The following L2HGDH variants were observed in gnomAD, a reference collection of about 807,000 sequenced individuals.
The protein encoded by L2HGDH is L-2-hydroxyglutarate dehydrogenase, mitochondrial.
L2HGDH carries 34 observed loss-of-function variants against 51.5 expected under a neutral mutation model. The observed-to-expected ratio is 0.66, with a 90% CI of 0.50 to 0.88. L2HGDH has a LOEUF of 0.88. Among genes scored for constraint, L2HGDH ranks in the 40% least tolerant of loss-of-function variants. The probability of loss-of-function intolerance (pLI) is 0.00; values close to 1 mark genes in which losing one functional copy is unlikely to be tolerated. For synonymous variants in L2HGDH, 198 were observed against 197.9 expected, an observed-to-expected ratio of 1.00 and a Z score of -0.01; for missense variants, 558 against 571.9, an observed-to-expected ratio of 0.98 and a Z score of 0.25.
chr14:50,273,153 T>A (rs145380309), intron 6 of L2HGDH, among the ~76,000 whole-genome samples: 9 of 152,304 alleles, frequency 5.9e-5, no homozygotes, highest in African/African-American at 1.9e-4. Flanking sequence ...TGGAGAAAGG[T>A]ATATGAATGG....
chr14:50,294,277 T>TAG (rs1464528013), intron 3 of L2HGDH, 31 bp from the exon 4 acceptor site: 2 of 1,602,004 alleles, frequency 1.2e-6, no homozygotes, highest in Admixed American at 1.7e-5. Context: ...GGAGCATGGA[T>TAG]AGAGGTGAAT....
At chr14:50,261,712 G>C (rs1020500938) in intron 9 of L2HGDH, among the ~76,000 whole-genome samples, 7 of 152,078 alleles carry the variant, frequency 4.6e-5, no homozygotes, top group African/African-American at 1.7e-4. Context: ...TCAAACTCCT[G>C]GGCTCAAGCG....
chr14:50,246,962 A>G lies in L2HGDH; in HGVS notation c.*96T>C. The G allele has an allele frequency of 1.2e-5, 18 of 1,471,230 alleles. No individual in the cohort carries two copies. The highest frequency in any genetic ancestry group is 1.6e-5 in the Non-Finnish European group (17 of 1,092,140). 91.1% of individuals were successfully genotyped at this position (1,471,230 alleles called of 1,614,324 possible). On this transcript the variant is annotated 3_prime_UTR_variant, in exon 10 of 10. Coordinates refer to ENST00000267436, the MANE Select transcript of L2HGDH (RefSeq NM_024884.3). The stretch of plus-strand genomic sequence containing the variant: ...AGTGGTTATCTTTGACCTAAAAACT[A>G]AAGTTTAAAAACCATTTTTTAAATT...
At chr14:50,295,195 AG>A (rs1365224343) in intron 3 of L2HGDH, among the ~76,000 whole-genome samples, 1 of 152,134 alleles carries the variant, frequency 6.6e-6, no homozygotes, top group Non-Finnish European at 1.5e-5. Flanking sequence ...CACTTATGTC[AG>A]GCCCATTTTA....
chr14:50,278,481 GA>G (rs1890092798), intron 6 of L2HGDH, 38 bp downstream of exon 6: 1 of 1,354,994 alleles, frequency 7.4e-7, no homozygotes, highest in Non-Finnish European at 1.0e-6. Flanking sequence ...AAAGGGGAGG[GA>G]AAGAAAGTAG....
rs770812094 is a variant in L2HGDH at position 50,312,184 on chromosome 14, A to G, written c.-34T>C. On this transcript the variant is annotated 5_prime_UTR_variant, in exon 1 of 10. Coordinates refer to ENST00000267436, the MANE Select transcript of L2HGDH (RefSeq NM_024884.3). ...CACGCTCCCCTCCCTCAGCGCTCAG[A>G]AGAAGCCACTTGACCCTCCACGGCC... The G allele has an allele frequency of 1.9e-6, 3 of 1,606,210 alleles. No homozygotes were observed. The highest frequency in any genetic ancestry group is 1.7e-5 in the Admixed American group (1 of 59,702).
At position 50,247,095 on chromosome 14, in the gene L2HGDH, A is replaced by C. The variant is rs1168824875; in HGVS notation, c.1355T>G (p.Met452Arg). The C allele has an allele frequency of 1.2e-6, 2 of 1,613,620 alleles. No individual in the cohort carries two copies. Among genetic ancestry groups the C allele is most frequent in the African/African-American group, 2.7e-5 (2 of 74,928 alleles). The change falls in exon 10 of 10, where the codon ATG (methionine) becomes AGG (arginine). Residue 452 changes from methionine to arginine, a missense_variant. Around this residue, in one of 3 missense-constraint regions of L2HGDH, gnomAD observed 321 missense variants for 311.8 expected, o/e 1.03. Transcript: ENST00000267436. The stretch of plus-strand genomic sequence containing the variant: ...TCTTTGTTGTACTTCATCTGCAATC[A>C]TTCCAGAAATTGCAATGGAAGAAGT... The part of the protein sequence containing the change: ...AATSSIAISG[M>R]IADEVQQRFE...
chr14:50,247,247 T>C lies in L2HGDH; in HGVS notation c.1203A>G (p.Pro401=), dbSNP rs1226444809. 1 of 1,613,136 alleles carries C rather than the reference T, an allele frequency of 6.2e-7. No homozygotes were observed. The highest frequency in any genetic ancestry group is 1.1e-5 in the South Asian group (1 of 90,904). The stretch of plus-strand genomic sequence containing the variant: ...CCAGGGCCTGGGCTCTTACTCCAGC[T>C]GGGCCCCTGCAAAAGTAAAAGATGG... The part of the protein sequence containing the change: ...EITISDILRG[P]AGVRAQALDR... The change falls in exon 10 of 10, where the codon CCA becomes CCG. Residue 401 remains proline, a synonymous_variant. Coordinates refer to ENST00000267436, the MANE Select transcript of L2HGDH (RefSeq NM_024884.3).
intron 8 of L2HGDH, among the ~76,000 whole-genome samples, chr14:50,266,941 C>T (rs1889368847): frequency 6.6e-6 from 1 of 152,076 alleles, no homozygotes; most frequent in South Asian, 2.1e-4. Flanking sequence ...GTTTCCTACA[C>T]AAGGAAATTA....
At chr14:50,250,217 G>C (rs542158380) in intron 9 of L2HGDH, among the ~76,000 whole-genome samples, 1 of 152,308 alleles carries the variant, frequency 6.6e-6, no homozygotes, top group South Asian at 2.1e-4. Flanking sequence ...CAACACTCTT[G>C]GACGGCATTT....
chr14:50,266,541 C>G (rs548982915), intron 8 of L2HGDH, among the ~76,000 whole-genome samples: 12 of 152,228 alleles, frequency 7.9e-5, no homozygotes, highest in African/African-American at 2.9e-4. Flanking sequence ...TACTTGGAGG[C>G]TGAAGTGGGA....
rs1223404759 is a variant in L2HGDH at position 50,284,152 on chromosome 14, T to C, written c.541-119A>G. The C allele has an allele frequency of 4.6e-6, 4 of 871,592 alleles. No homozygotes were observed. The African/African-American group carries it at 6.8e-5, about 15-fold the overall frequency. 54.0% of individuals were successfully genotyped at this position (871,592 alleles called of 1,614,324 possible). A position where few individuals can be genotyped will look rare whatever the true frequency, so the allele number is the denominator to read the frequency against. The stretch of plus-strand genomic sequence containing the variant: ...AGGAGTTGATTTTGCCAAGCTTTTC[T>C]TGCTGCTACAATGAGTTTTTCTTTT... On this transcript the variant is annotated intron_variant, in intron 4 of 9. Coordinates refer to ENST00000267436, the MANE Select transcript of L2HGDH (RefSeq NM_024884.3).
At position 50,309,401 on chromosome 14, in the gene L2HGDH, C is replaced by T. The variant is rs564992637; in HGVS notation, c.140+2610G>A. Reference sequence around the variant, plus strand: ...AACACGGTGAAACCCTATCTCTACTCAAAATACAAAATCAGCTGGGCGTGG... The same window carrying T: ...AACACGGTGAAACCCTATCTCTACTTAAAATACAAAATCAGCTGGGCGTGG... On this transcript the variant is annotated intron_variant, in intron 1 of 9. Coordinates refer to ENST00000267436, the MANE Select transcript of L2HGDH (RefSeq NM_024884.3). Among the ~76,000 whole-genome samples the T allele has an allele frequency of 2.6e-5, 4 of 152,014 alleles. No individual in the cohort carries two copies. In the South Asian group the frequency reaches 8.3e-4, roughly 32 times the overall value.
At position 50,300,996 on chromosome 14, in the gene L2HGDH, T is replaced by C. The variant is rs538906930; in HGVS notation, c.408+1021A>G. Among the ~76,000 whole-genome samples, 3 of 152,256 alleles carry C rather than the reference T, an allele frequency of 2.0e-5. No homozygotes were observed. In the East Asian group the frequency reaches 5.8e-4, roughly 29 times the overall value. The stretch of plus-strand genomic sequence containing the variant: ...TGCACCACCGCACCCGGCTAACTTT[T>C]TAAATTTTTTGTAGAGATAGGGTCT... On this transcript the variant is annotated intron_variant, in intron 3 of 9. Coordinates refer to ENST00000267436, the MANE Select transcript of L2HGDH (RefSeq NM_024884.3).
Position 50,246,133 on chromosome 14 carries a change from AT to A in L2HGDH, c.*924del, listed in dbSNP as rs200811286. On this transcript the variant is annotated 3_prime_UTR_variant, in exon 10 of 10. Coordinates refer to ENST00000267436, the MANE Select transcript of L2HGDH (RefSeq NM_024884.3). Reference sequence around the variant, plus strand: ...AGTGAAACTCCGTCTGAAAAAAAAAATAAATAAAAGTCAGGGATTCGGACAG... The same window carrying A: ...AGTGAAACTCCGTCTGAAAAAAAAAAAAATAAAAGTCAGGGATTCGGACAG... The A allele has an allele frequency of 0.015, 2,231 of 150,332 alleles. 19 individuals carry two copies. The highest frequency in any genetic ancestry group is 0.022 in the Non-Finnish European group (1,512 of 67,490). The allele number at this position is 150,332 out of a possible 1,614,324, so 9.3% of individuals were successfully genotyped here. A position where few individuals can be genotyped will look rare whatever the true frequency, so the allele number is the denominator to read the frequency against.
In L2HGDH at chr14:50,298,696, T is replaced by A. The variant is rs1253687485; in HGVS notation, c.408+3321A>T. Among the ~76,000 whole-genome samples, 6 of 151,754 alleles carry A rather than the reference T, an allele frequency of 4.0e-5. No individual in the cohort carries two copies. In the East Asian group the frequency reaches 1.2e-3, roughly 29 times the overall value. On this transcript the variant is annotated intron_variant, in intron 3 of 9. Coordinates refer to ENST00000267436, the MANE Select transcript of L2HGDH (RefSeq NM_024884.3). ...AGACAGAGACTCTATCTCAAAAAAA[T>A]AAACAAACAAGCAAACAAAACCAAT...
intron 3 of L2HGDH, chr14:50,299,866 T>G (rs1026367182): frequency 6.5e-6 from 1 of 154,098 alleles, no homozygotes; most frequent in Non-Finnish European, 1.5e-5. Flanking sequence ...TAAGATAATA[T>G]CCTCCATGTT....
chr14:50,265,309 G>C (rs1384799496), intron 9 of L2HGDH, 49 bp downstream of exon 9: 1 of 1,539,552 alleles, frequency 6.5e-7, no homozygotes, highest in Non-Finnish European at 9.0e-7. Context: ...CACCTCTCAA[G>C]TTCACATAGG....
At chr14:50,265,531 C>A in intron 8 of L2HGDH, 42 bp from the exon 9 acceptor site, 1 of 1,523,442 alleles carries the variant, frequency 6.6e-7, no homozygotes, top group Non-Finnish European at 9.0e-7. Context: ...GAAAGGAATT[C>A]TTTATTACGT....
Sources: gnomAD v4.1 joint callset for allele counts (sites outside exome capture counted in the v4.1 genomes callset) on GRCh38, gnomAD v4.1.1 for gene constraint, gnomAD v4.1.1 regional missense constraint, MANE v1.5 for transcripts, NCBI Gene and HGNC (gene_info 2026-07-23, HGNC 2026-07-21) for gene names.